The following PIP5K1C variants were observed in gnomAD, a reference collection of about 807,000 sequenced individuals.
The protein encoded by PIP5K1C is phosphatidylinositol-4-phosphate 5-kinase type 1 gamma, also known as phosphatidylinositol 4-phosphate 5-kinase type-1 gamma.
PIP5K1C carries 45 observed loss-of-function variants against 80.1 expected under a neutral mutation model. The ratio of observed to expected loss-of-function variants is 0.56; its 90% confidence interval spans 0.44 to 0.72. PIP5K1C has a LOEUF of 0.72. PIP5K1C is among the 30% of genes least tolerant of loss of function. PIP5K1C has a pLI of 0.00. For synonymous variants in PIP5K1C, 498 were observed against 420.1 expected, an observed-to-expected ratio of 1.19 and a Z score of -2.27; for missense variants, 753 against 954.6, an observed-to-expected ratio of 0.79 and a Z score of 2.78.
intron 3 of PIP5K1C, among the ~76,000 whole-genome samples, chr19:3,663,397 T>C (rs761430667): frequency 1.3e-4 from 20 of 151,936 alleles, no homozygotes; most frequent in Non-Finnish European, 2.8e-4. Flanking sequence ...CTCTGGGTGG[T>C]GGGGGGTCTG....
At chr19:3,678,236 ATGGAGGAATGGAGAATGGAGGGG>A (rs1369093408) in intron 1 of PIP5K1C, among the ~76,000 whole-genome samples, 5 of 88,544 alleles carry the variant, frequency 5.6e-5, no homozygotes, top group African/African-American at 1.3e-4. Context: ...GGGATGGAGG[ATGGAGGAATGGAGAATGGAGGGG>A]TGGAGGAATG....
Position 3,637,795 on chromosome 19 carries a change from C to T in PIP5K1C, c.1920+1089G>A. 6.5e-7 allele frequency: 1 copy of T among 1,534,560 alleles called. No individual in the cohort carries two copies. Among genetic ancestry groups the T allele is most frequent in the Non-Finnish European group, 8.7e-7 (1 of 1,146,626 alleles). ...CAGGGGCAGGACCGAGGACCCTTCT[C>T]CCTTCTCTGCTGCCCACCTGGCAGG... On this transcript the variant is annotated intron_variant, in intron 16 of 17. Transcript: ENST00000335312. This position sits in a 1 kb window ranked among gnomAD's most constrained non-coding sequence, Gnocchi z 7.0.
At chr19:3,647,438 G>A in intron 9 of PIP5K1C, 52 bp from the exon 10 acceptor site, 5 of 1,498,420 alleles carry the variant, frequency 3.3e-6, no homozygotes, top group Non-Finnish European at 3.6e-6. Context: ...GCCCATGCCA[G>A]GCCACCTCAC....
chr19:3,677,927 T>G (rs1296297274), intron 1 of PIP5K1C, among the ~76,000 whole-genome samples: 103 of 24,010 alleles, frequency 4.3e-3, no homozygotes, highest in South Asian at 8.3e-3. Flanking sequence ...AAGGGAGGGA[T>G]GGAGAATGGA....
intron 1 of PIP5K1C, among the ~76,000 whole-genome samples, chr19:3,679,271 G>A (rs931684766): frequency 5.3e-5 from 8 of 152,186 alleles, no homozygotes; most frequent in East Asian, 1.9e-4. Flanking sequence ...CCAGTGGGCC[G>A]GGCCCTGTGC....
intron 7 of PIP5K1C, among the ~76,000 whole-genome samples, chr19:3,652,276 G>A (rs376656161): frequency 4.1e-4 from 62 of 152,330 alleles, no homozygotes; most frequent in Middle Eastern, 3.4e-3. Context: ...AGGCTGCCCC[G>A]GGCACTGAGA....
chr19:3,699,806 C>T (rs1600109345), intron 1 of PIP5K1C, among the ~76,000 whole-genome samples: 1 of 152,164 alleles, frequency 6.6e-6, no homozygotes, highest in Non-Finnish European at 1.5e-5. Context: ...ACAGCCGGGG[C>T]GGTGGAGGCA....
At chr19:3,698,858 A>G (rs1173440313) in intron 1 of PIP5K1C, among the ~76,000 whole-genome samples, 2 of 152,080 alleles carry the variant, frequency 1.3e-5, no homozygotes, top group African/African-American at 4.8e-5. Flanking sequence ...GTATATGGCC[A>G]GCTGGGGTCA....
chr19:3,652,082 C>A (rs529726831), intron 7 of PIP5K1C, 51 bp from the exon 8 acceptor site: 25 of 1,573,560 alleles, frequency 1.6e-5, no homozygotes, highest in South Asian at 1.3e-4. Context: ...CTCTATCCCC[C>A]ACAACGGCTC....
At chr19:3,657,119 G>GC (rs919214662) in intron 5 of PIP5K1C, among the ~76,000 whole-genome samples, 5 of 152,152 alleles carry the variant, frequency 3.3e-5, no homozygotes, top group African/African-American at 1.2e-4. Context: ...TGATGGGCAG[G>GC]CCCCACTCTG....
At chr19:3,699,225 C>T (rs985244369) in intron 1 of PIP5K1C, among the ~76,000 whole-genome samples, 1 of 151,592 alleles carries the variant, frequency 6.6e-6, no homozygotes, top group Non-Finnish European at 1.5e-5. Context: ...CACCGGCTGC[C>T]CGCAAAGAAA....
intron 5 of PIP5K1C, among the ~76,000 whole-genome samples, chr19:3,660,514 G>T (rs1219257166): frequency 6.6e-6 from 1 of 152,144 alleles, no homozygotes; most frequent in Non-Finnish European, 1.5e-5. Context: ...TTTTGACTTT[G>T]CTAACCTGAA....
Position 3,633,475 on chromosome 19 carries a change from C to T in PIP5K1C, c.1966G>A (p.Ala656Thr), listed in dbSNP as rs35014191. The change falls in exon 17 of 18, where the codon GCC becomes ACC. Residue 656 changes from alanine to threonine, a missense_variant. Coordinates refer to ENST00000335312, the MANE Select transcript of PIP5K1C (RefSeq NM_012398.3). ...SWVYSPLHYS[A>T]QAPPASDGES... is the part of the protein sequence containing the mutation. ...CCGTCGGAGGCCGGGGGGGCCTGGG[C>T]GCTATAGTGGAGCGGGGAGTACACC... 8.7e-3 allele frequency: 13,174 copies of T among 1,511,384 alleles called. 102 individuals carry two copies. The highest frequency in any genetic ancestry group is 0.024 in the Middle Eastern group (128 of 5,356). 93.6% of individuals were successfully genotyped at this position (1,511,384 alleles called of 1,614,324 possible). A position where few individuals can be genotyped will look rare whatever the true frequency, so the allele number is the denominator to read the frequency against.
chr19:3,683,511 T>C (rs938720454), intron 1 of PIP5K1C, among the ~76,000 whole-genome samples: 5 of 152,190 alleles, frequency 3.3e-5, no homozygotes, highest in Non-Finnish European at 7.3e-5. Context: ...GAGAACCCCA[T>C]GGCTTAGTCA....
intron 1 of PIP5K1C, among the ~76,000 whole-genome samples, chr19:3,673,471 G>A (rs1568345807): frequency 6.6e-6 from 1 of 152,220 alleles, no homozygotes; most frequent in Non-Finnish European, 1.5e-5. Flanking sequence ...GCAAGGGAAG[G>A]CCAGTGAGAA....
At chr19:3,634,114 G>A (rs2033574969) in intron 16 of PIP5K1C, among the ~76,000 whole-genome samples, 1 of 152,112 alleles carries the variant, frequency 6.6e-6, no homozygotes, top group Non-Finnish European at 1.5e-5. Flanking sequence ...ACGCCTTCCT[G>A]AGCAGCAGGG....
intron 7 of PIP5K1C, 130 bp from the exon 8 acceptor site, chr19:3,652,161 C>CCGTGGGA: frequency 1.3e-6 from 1 of 757,772 alleles, no homozygotes; most frequent in Non-Finnish European, 2.2e-6. Context: ...AGTCCCACGG[C>CCGTGGGA]CAGGCAGGAG....
chr19:3,683,027 G>A lies in PIP5K1C; in HGVS notation c.95-15674C>T, dbSNP rs113643974. 3.6e-4 allele frequency among the ~76,000 whole-genome samples: 51 copies of A among 140,402 alleles called. 1 individual carries two copies. Among genetic ancestry groups the A allele is most frequent in the African/African-American group, 1.2e-3 (47 of 38,682 alleles). 92.1% of individuals were successfully genotyped at this position (140,402 alleles called of 152,430 possible). The stretch of plus-strand genomic sequence containing the variant: ...GGCTTGGTCCTGCCCTAGGGCCTCC[G>A]CACAGGCTGCGCCTCTGCCTGGAAC... On this transcript the variant is annotated intron_variant, in intron 1 of 17. Transcript: ENST00000335312.
At chr19:3,645,416 A>G (rs906365960) in intron 11 of PIP5K1C, among the ~76,000 whole-genome samples, 7 of 152,298 alleles carry the variant, frequency 4.6e-5, no homozygotes, top group African/African-American at 1.2e-4. Flanking sequence ...ACAGTGGCCC[A>G]TGAGGGGAAG....
Sources: allele counts gnomAD v4.1 joint callset (sites outside exome capture counted in the v4.1 genomes callset), GRCh38; gene constraint gnomAD v4.1.1; non-coding constraint Gnocchi (gnomAD v3.1); transcripts MANE v1.5; gene names NCBI Gene and HGNC (gene_info 2026-07-23, HGNC 2026-07-21).